USP34: variants seen among roughly 807,000 people sequenced by gnomAD.
USP34 encodes ubiquitin carboxyl-terminal hydrolase 34.
A neutral mutation model predicts 460.3 loss-of-function variants in USP34; 70 were observed. The ratio of observed to expected loss-of-function variants is 0.15; its 90% CI spans 0.13 to 0.19. The LOEUF (loss-of-function observed/expected upper bound fraction) is 0.19, where lower values mean the gene tolerates loss of function less well. USP34 is among the 10% of genes least tolerant of loss of function. The pLI is 1.00. For synonymous variants in USP34, 1,647 were observed against 1,405.3 expected, an observed-to-expected ratio of 1.17 and a Z score of -3.85; for missense variants, 3,985 against 4,236.2, an observed-to-expected ratio of 0.94 and a Z score of 1.65.
intron 18 of USP34, 62 bp downstream of exon 18, chr2:61,339,289 A>T: frequency 2.0e-6 from 3 of 1,520,596 alleles, no homozygotes; most frequent in Non-Finnish European, 2.7e-6. Context: ...AGTCAACAAG[A>T]ATGTCCCCCC....
intron 33 of USP34, among the ~76,000 whole-genome samples, chr2:61,291,944 A>G (rs372512915): frequency 1.3e-5 from 2 of 152,204 alleles, no homozygotes; most frequent in East Asian, 1.9e-4. Context: ...AGGCTAAGTG[A>G]AAGAAACCAG....
chr2:61,386,781 T>C (rs1693158435), intron 5 of USP34, among the ~76,000 whole-genome samples: 3 of 152,102 alleles, frequency 2.0e-5, no homozygotes. Context: ...AGAGCGAGAC[T>C]CCATCTAAAA....
intron 18 of USP34, among the ~76,000 whole-genome samples, chr2:61,337,116 C>T (rs528359076): frequency 6.6e-6 from 1 of 152,202 alleles, no homozygotes; most frequent in Non-Finnish European, 1.5e-5. Context: ...AACCAGCAAC[C>T]AAATCAAGAA....
chr2:61,319,069 T>G (rs1010467091), intron 22 of USP34, 104 bp downstream of exon 22: 74 of 1,185,228 alleles, frequency 6.2e-5, no homozygotes, highest in Non-Finnish European at 7.7e-5. Context: ...ATTTGGCTAC[T>G]TAAAAAAACT....
chr2:61,389,438 C>A (rs896870864), intron 5 of USP34, among the ~76,000 whole-genome samples: 22 of 151,940 alleles, frequency 1.4e-4, no homozygotes, highest in African/African-American at 2.4e-5. Flanking sequence ...TACACAGACA[C>A]AAGTGATTAA....
chr2:61,203,781 A>G (rs960824285), intron 74 of USP34, among the ~76,000 whole-genome samples: 10 of 152,260 alleles, frequency 6.6e-5, no homozygotes, highest in African/African-American at 2.2e-4. Flanking sequence ...CCTTGTCTCT[A>G]TAATTTAGAA....
Position 61,226,837 on chromosome 2 carries a change from G to A in USP34, c.7595+230C>T, listed in dbSNP as rs992409934. 2.3e-5 allele frequency: 10 copies of A among 435,696 alleles called. No homozygotes were observed. The East Asian group carries it at 3.3e-4, about 14-fold the overall frequency. The allele number at this position is 435,696 out of a possible 1,614,324, so 27.0% of individuals were successfully genotyped here. On this transcript the variant is annotated intron_variant, in intron 62 of 79. Transcript: ENST00000398571. ...TTTTTTCAATGACTATTTCTAACAC[G>A]ACTCATAGATGAAGTAAAAGTTTGG...
intron 1 of USP34, among the ~76,000 whole-genome samples, chr2:61,422,848 C>A (rs1694401979): frequency 6.6e-6 from 1 of 151,944 alleles, no homozygotes; most frequent in Non-Finnish European, 1.5e-5. Flanking sequence ...AAAATATAAA[C>A]AATTAGCCAG....
intron 76 of USP34, 121 bp downstream of exon 76, chr2:61,192,780 C>CTAG: frequency 1.5e-6 from 1 of 664,726 alleles, no homozygotes; most frequent in East Asian, 2.9e-5. Context: ...TCATATGTTA[C>CTAG]CTATCAAGAT....
At chr2:61,350,448 A>G (rs1691911270) in intron 11 of USP34, 59 bp from the exon 12 acceptor site, 5 of 1,576,758 alleles carry the variant, frequency 3.2e-6, no homozygotes, top group South Asian at 1.2e-5. Context: ...AACAAATTTA[A>G]TATCCTTTTT....
intron 59 of USP34, 41 bp downstream of exon 59, chr2:61,229,507 A>C (rs1309426047): frequency 1.4e-6 from 2 of 1,379,814 alleles, no homozygotes; most frequent in South Asian, 1.3e-5. Context: ...CCACACACAC[A>C]CAACACAGAC....
intron 1 of USP34, among the ~76,000 whole-genome samples, chr2:61,430,405 A>AAAT (rs941079647): frequency 6.6e-6 from 1 of 152,110 alleles, no homozygotes; most frequent in Non-Finnish European, 1.5e-5. Flanking sequence ...CTGTCTCAAA[A>AAAT]AATAATAATA....
In USP34 at chr2:61,197,378, G is replaced by A. The variant is rs114784443; in HGVS notation, c.9509-4398C>T. ...AGCCATCGTTTTATCCTAATTTTGCGCTTCTTTTGGATGAGGAAATTAGGC... is the reference window on the plus strand; with the variant it reads ...AGCCATCGTTTTATCCTAATTTTGCACTTCTTTTGGATGAGGAAATTAGGC... On this transcript the variant is annotated intron_variant, in intron 75 of 79. Transcript: ENST00000398571. Among the ~76,000 whole-genome samples, 878 of 152,110 alleles carry A rather than the reference G, an allele frequency of 5.8e-3. 6 individuals carry two copies. Among genetic ancestry groups the A allele is most frequent in the African/African-American group, 0.021 (853 of 41,492 alleles).
At chr2:61,285,037 T>C in intron 34 of USP34, 80 bp from the exon 35 acceptor site, 1 of 1,106,060 alleles carries the variant, frequency 9.0e-7, no homozygotes, top group Non-Finnish European at 1.3e-6. Context: ...ATTTAGTTAC[T>C]AAAGAGATGT....
chr2:61,387,011 A>C (rs933606215), intron 5 of USP34, among the ~76,000 whole-genome samples: 2 of 152,156 alleles, frequency 1.3e-5, no homozygotes, highest in African/African-American at 4.8e-5. Context: ...ACCTAAAAAG[A>C]CGTCTATCTA....
At chr2:61,229,122 T>G (rs1166314996) in intron 59 of USP34, 127 bp from the exon 60 acceptor site, 1 of 640,110 alleles carries the variant, frequency 1.6e-6, no homozygotes, top group Non-Finnish European at 2.4e-6. Flanking sequence ...CGCAATAACT[T>G]AAGTAGTTAT....
At chr2:61,282,153 C>G (rs963763643) in intron 37 of USP34, among the ~76,000 whole-genome samples, 2 of 152,132 alleles carry the variant, frequency 1.3e-5, no homozygotes, top group African/African-American at 4.8e-5. Flanking sequence ...CCATACCCAG[C>G]TAATTTTTTG....
intron 48 of USP34, 109 bp downstream of exon 48, chr2:61,256,275 A>T (rs1688722730): frequency 2.0e-6 from 2 of 996,666 alleles, no homozygotes; most frequent in Non-Finnish European, 3.0e-6. Flanking sequence ...CATGCAGCTG[A>T]TTTTACCTTC....
At chr2:61,289,026 GGTCA>G in intron 33 of USP34, 149 bp from the exon 34 acceptor site, 1 of 741,362 alleles carries the variant, frequency 1.3e-6, no homozygotes, top group Admixed American at 2.9e-5. Flanking sequence ...CAAATATTAT[GGTCA>G]GTACCAATTC....
Sources: gnomAD v4.1 joint callset for allele counts (sites outside exome capture counted in the v4.1 genomes callset) on GRCh38, gnomAD v4.1.1 for gene constraint, MANE v1.5 for transcripts, NCBI Gene and HGNC (gene_info 2026-07-23, HGNC 2026-07-21) for gene names.